CACNG2: variants seen among roughly 807,000 people sequenced by gnomAD.
CACNG2 encodes voltage-dependent calcium channel gamma-2 subunit.
CACNG2 carries 3 observed loss-of-function variants against 25.9 expected under a neutral mutation model. The observed-to-expected ratio is 0.12, with a 90% CI of 0.05 to 0.30. The LOEUF (loss-of-function observed/expected upper bound fraction) is 0.30. Among genes scored for constraint, CACNG2 ranks in the 10% least tolerant of loss-of-function variants. CACNG2 has a pLI of 1.00. For synonymous variants in CACNG2, 167 were observed against 173.3 expected, an observed-to-expected ratio of 0.96 and a Z score of 0.29; for missense variants, 341 against 432.5, an observed-to-expected ratio of 0.79 and a Z score of 1.88.
chr22:36,588,476 G>A (rs138112383), intron 1 of CACNG2, among the ~76,000 whole-genome samples: 99 of 152,316 alleles, frequency 6.5e-4, no homozygotes, highest in African/African-American at 2.3e-3. Flanking sequence ...CAGAGCATCG[G>A]CTTCCTGACA....
intron 1 of CACNG2, among the ~76,000 whole-genome samples, chr22:36,613,489 C>T (rs1935976777): frequency 1.3e-5 from 2 of 152,210 alleles, no homozygotes; most frequent in Admixed American, 6.5e-5. Context: ...CTTCCCTTGG[C>T]GTCTGGGTCC....
At position 36,563,199 on chromosome 22, in the gene CACNG2, C is replaced by T. The variant is rs1448998161; in HGVS notation, c.*1152G>A. 1.6e-4 allele frequency among the ~76,000 whole-genome samples: 25 copies of T among 152,132 alleles called. No homozygotes were observed. Among genetic ancestry groups the T allele is most frequent in the East Asian group, 3.9e-4 (2 of 5,176 alleles). ...CTTTTTGCAGTGTCATTGTTGAACC[C>T]GCTGGGCCCCAAGGGGGCATCAGTG... On this transcript the variant is annotated 3_prime_UTR_variant, in exon 4 of 4. Coordinates refer to ENST00000300105, the MANE Select transcript of CACNG2 (RefSeq NM_006078.5).
chr22:36,642,140 G>A (rs887843590), intron 1 of CACNG2, among the ~76,000 whole-genome samples: 1 of 152,216 alleles, frequency 6.6e-6, no homozygotes, highest in Admixed American at 6.5e-5. Flanking sequence ...TCAAGGCCAA[G>A]GCTGTCAGCT....
rs925929885 is a variant in CACNG2 at position 36,561,473 on chromosome 22, C to T, written c.*2878G>A. On this transcript the variant is annotated 3_prime_UTR_variant, in exon 4 of 4. Coordinates refer to ENST00000300105, the MANE Select transcript of CACNG2 (RefSeq NM_006078.5). The stretch of plus-strand genomic sequence containing the variant: ...CTGCCCCAGGGCCCATGACCTCCCC[C>T]TGTACTTCTGGGCTGGGCTGGCCGA... 6.6e-6 allele frequency: 1 copy of T among 152,388 alleles called. No individual in the cohort carries two copies. The highest frequency in any genetic ancestry group is 6.5e-5 in the Admixed American group (1 of 15,270). 9.4% of individuals were successfully genotyped at this position (152,388 alleles called of 1,614,324 possible). A position where few individuals can be genotyped will look rare whatever the true frequency, so the allele number is the denominator to read the frequency against.
At chr22:36,587,772 G>A (rs1004381261) in intron 1 of CACNG2, among the ~76,000 whole-genome samples, 4 of 152,200 alleles carry the variant, frequency 2.6e-5, no homozygotes, top group Non-Finnish European at 4.4e-5. Flanking sequence ...ACTTCAAAAC[G>A]CTGCCTTCTG....
At chr22:36,646,053 T>C (rs888639725) in intron 1 of CACNG2, among the ~76,000 whole-genome samples, 2 of 152,222 alleles carry the variant, frequency 1.3e-5, no homozygotes, top group African/African-American at 4.8e-5. Context: ...ATTAAAATTA[T>C]GTGCTGAGCT....
intron 1 of CACNG2, among the ~76,000 whole-genome samples, chr22:36,673,789 T>TACTTTACAGTTTATGAAGC (rs1478855628): frequency 2.0e-5 from 3 of 152,148 alleles, no homozygotes; most frequent in Admixed American, 6.5e-5. Context: ...GTTTACAAAG[T>TACTTTACAGTTTATGAAGC]ACTTTACAGT....
At chr22:36,693,645 C>T (rs1937294886) in intron 1 of CACNG2, among the ~76,000 whole-genome samples, 1 of 152,210 alleles carries the variant, frequency 6.6e-6, no homozygotes, top group African/African-American at 2.4e-5. Context: ...TCTGTGCTGC[C>T]TTCCAGCCTC....
intron 1 of CACNG2, among the ~76,000 whole-genome samples, chr22:36,695,704 A>G (rs1449987158): frequency 1.3e-5 from 2 of 152,126 alleles, no homozygotes; most frequent in African/African-American, 4.8e-5. Context: ...TCCCAGTATT[A>G]TGAGCTCACG....
intron 1 of CACNG2, among the ~76,000 whole-genome samples, chr22:36,649,158 C>A (rs1361135509): frequency 6.6e-6 from 1 of 152,174 alleles, no homozygotes; most frequent in Non-Finnish European, 1.5e-5. Context: ...CGCGGAGCTC[C>A]CAATCTCCCC....
At chr22:36,627,276 G>A in intron 1 of CACNG2, among the ~76,000 whole-genome samples, 1 of 139,210 alleles carries the variant, frequency 7.2e-6, no homozygotes, top group African/African-American at 2.7e-5. Flanking sequence ...ATGAGAGTGG[G>A]GACGTGTGTG....
chr22:36,699,903 C>T (rs1022140319), intron 1 of CACNG2, among the ~76,000 whole-genome samples: 1 of 152,196 alleles, frequency 6.6e-6, no homozygotes, highest in Admixed American at 6.5e-5. Context: ...CTTCCTAAGT[C>T]GCCAAGGCCC....
At chr22:36,646,979 A>C (rs1936535019) in intron 1 of CACNG2, among the ~76,000 whole-genome samples, 1 of 152,136 alleles carries the variant, frequency 6.6e-6, no homozygotes, top group Admixed American at 6.5e-5. Flanking sequence ...TATTCAAATC[A>C]TACAGTCACT....
rs1367358911 is a variant in CACNG2 at position 36,614,755 on chromosome 22, G to T, written c.212-27207C>A. Among the ~76,000 whole-genome samples the T allele has an allele frequency of 3.3e-5, 5 of 152,172 alleles. No homozygotes were observed. The East Asian group carries it at 9.6e-4, about 29-fold the overall frequency. On this transcript the variant is annotated intron_variant, in intron 1 of 3. Transcript: ENST00000300105. ...TACTGAAAAGCTTGTGGAGGGAAGA[G>T]AACACACCTATTGACTCAAAGGAGG...
chr22:36,661,966 CTTTTTT>C (rs71193254), intron 1 of CACNG2, among the ~76,000 whole-genome samples: 3 of 44,588 alleles, frequency 6.7e-5, no homozygotes, highest in Non-Finnish European at 1.3e-4. Context: ...CATTGCTATT[CTTTTTT>C]TTTTTTTTTT....
chr22:36,697,831 G>A (rs1937359478), intron 1 of CACNG2, among the ~76,000 whole-genome samples: 1 of 152,218 alleles, frequency 6.6e-6, no homozygotes, highest in African/African-American at 2.4e-5. Context: ...GCTCAGAGGT[G>A]TCTGTTCTGG....
chr22:36,606,399 C>G lies in CACNG2; in HGVS notation c.212-18851G>C, dbSNP rs1052768343. ...CATTAGAGATATGGAAGTGGAGGGA[C>G]AGAGGGGTGAAGGAACGCCTCTAAA... On this transcript the variant is annotated intron_variant, in intron 1 of 3. Coordinates refer to ENST00000300105, the MANE Select transcript of CACNG2 (RefSeq NM_006078.5). The surrounding 1 kb of genome is among the most constrained non-coding windows in gnomAD (Gnocchi z 5.7). 6.6e-6 allele frequency among the ~76,000 whole-genome samples: 1 copy of G among 152,150 alleles called. No homozygotes were observed. Among genetic ancestry groups the G allele is most frequent in the South Asian group, 2.1e-4 (1 of 4,822 alleles).
chr22:36,573,895 A>T (rs1374696211), intron 2 of CACNG2, among the ~76,000 whole-genome samples: 3 of 152,214 alleles, frequency 2.0e-5, no homozygotes, highest in Non-Finnish European at 2.9e-5. Context: ...GATTAGGCAC[A>T]ATGAAGGCAG....
chr22:36,611,097 GCA>G (rs1192615237), intron 1 of CACNG2, among the ~76,000 whole-genome samples: 1 of 152,210 alleles, frequency 6.6e-6, no homozygotes, highest in Non-Finnish European at 1.5e-5. Context: ...GATCCACAAT[GCA>G]CAGAGGGCTT....
Sources: gnomAD v4.1 joint callset for allele counts (sites outside exome capture counted in the v4.1 genomes callset) on GRCh38, gnomAD v4.1.1 for gene constraint, Gnocchi (gnomAD v3.1) non-coding constraint, MANE v1.5 for transcripts, NCBI Gene and HGNC (gene_info 2026-07-23, HGNC 2026-07-21) for gene names.